Variants in KCND2 observed in about 807,000 individuals in gnomAD.
The protein encoded by KCND2 is A-type voltage-gated potassium channel KCND2.
Under a neutral mutation model 54.4 loss-of-function variants are expected in KCND2, and 16 were observed. That is an observed-to-expected ratio of 0.29 (90% CI 0.20 to 0.45). KCND2 has a LOEUF of 0.45. KCND2 is among the 20% of genes least tolerant of loss of function. The pLI, the probability that KCND2 is intolerant of heterozygous loss-of-function variation, is 1.00. For missense variants in KCND2, 486 were observed against 824.2 expected (o/e 0.59, Z 5.02); for synonymous variants, 317 against 310.7 (o/e 1.02, Z -0.21).
At chr7:120,596,890 C>A (rs1792752711) in intron 1 of KCND2, among the ~76,000 whole-genome samples, 1 of 152,156 alleles carries the variant, frequency 6.6e-6, no homozygotes, top group Non-Finnish European at 1.5e-5. Context: ...TCCTCGTTAA[C>A]ATATTTTTAC....
chr7:120,419,534 T>C (rs1755714260), intron 1 of KCND2, among the ~76,000 whole-genome samples: 1 of 152,182 alleles, frequency 6.6e-6, no homozygotes, highest in Admixed American at 6.5e-5. Flanking sequence ...GAGACCGCTC[T>C]TGGTGCTCCT....
chr7:120,420,675 C>G (rs934001443), intron 1 of KCND2, among the ~76,000 whole-genome samples: 1 of 152,032 alleles, frequency 6.6e-6, no homozygotes, highest in African/African-American at 2.4e-5. Flanking sequence ...GAGTAAAATC[C>G]GTCATTTGTC....
chr7:120,412,633 T>C (rs945251748), intron 1 of KCND2, among the ~76,000 whole-genome samples: 4 of 152,080 alleles, frequency 2.6e-5, no homozygotes, highest in African/African-American at 9.7e-5. Flanking sequence ...ACCCTGAGCT[T>C]CCCACCCTGT....
In KCND2 at chr7:120,421,602, T is replaced by C. The variant is rs184188856; in HGVS notation, c.1115+145855T>C. On this transcript the variant is annotated intron_variant, in intron 1 of 5. Coordinates refer to ENST00000331113, the MANE Select transcript of KCND2 (RefSeq NM_012281.3). Reference sequence around the variant, plus strand: ...CCTAAGCATCTGCATTTCCCAAAGATTCATAGGTGATTGTTAATTTTCAGC... The same window carrying C: ...CCTAAGCATCTGCATTTCCCAAAGACTCATAGGTGATTGTTAATTTTCAGC... Among the ~76,000 whole-genome samples the C allele has an allele frequency of 3.3e-5, 5 of 152,358 alleles. No homozygotes were observed. The East Asian group carries it at 9.6e-4, about 29-fold the overall frequency.
intron 1 of KCND2, among the ~76,000 whole-genome samples, chr7:120,451,891 G>A (rs1201047897): frequency 1.3e-5 from 2 of 152,222 alleles, no homozygotes; most frequent in Non-Finnish European, 2.9e-5. Flanking sequence ...CACAGTCTAA[G>A]CTAATAGGTA....
chr7:120,570,670 T>A (rs1792354462), intron 1 of KCND2, among the ~76,000 whole-genome samples: 1 of 152,202 alleles, frequency 6.6e-6, no homozygotes, highest in Non-Finnish European at 1.5e-5. Context: ...TTACCTTTCT[T>A]ATTAAAGATG....
At chr7:120,332,764 CT>C (rs1220837876) in intron 1 of KCND2, among the ~76,000 whole-genome samples, 1 of 151,988 alleles carries the variant, frequency 6.6e-6, no homozygotes, top group Non-Finnish European at 1.5e-5. Context: ...TTTTTCTCTT[CT>C]TTTTATAAAA....
chr7:120,429,281 G>A (rs1209759451), intron 1 of KCND2, among the ~76,000 whole-genome samples: 1 of 152,144 alleles, frequency 6.6e-6, no homozygotes, highest in Non-Finnish European at 1.5e-5. Flanking sequence ...CAGTTAAACA[G>A]TAATCAATTG....
chr7:120,464,945 A>G (rs1312454198), intron 1 of KCND2, among the ~76,000 whole-genome samples: 1 of 152,200 alleles, frequency 6.6e-6, no homozygotes, highest in Non-Finnish European at 1.5e-5. Flanking sequence ...ATCCATCTAG[A>G]TAATCTCCTT....
intron 1 of KCND2, among the ~76,000 whole-genome samples, chr7:120,449,403 C>T (rs1480173004): frequency 6.6e-6 from 1 of 152,056 alleles, no homozygotes; most frequent in Non-Finnish European, 1.5e-5. Flanking sequence ...CCACATTACC[C>T]TACTGGCCTT....
intron 1 of KCND2, among the ~76,000 whole-genome samples, chr7:120,426,837 G>A (rs540463698): frequency 7.2e-5 from 11 of 152,106 alleles, no homozygotes; most frequent in Non-Finnish European, 1.5e-4. Context: ...AGCCAGGATG[G>A]TCTCGATCTC....
chr7:120,673,317 AAC>A (rs1792017396), intron 1 of KCND2, among the ~76,000 whole-genome samples: 1 of 152,166 alleles, frequency 6.6e-6, no homozygotes, highest in Non-Finnish European at 1.5e-5. Context: ...CATTCTAGTT[AAC>A]ACAAACTGAA....
chr7:120,490,278 A>G (rs558722389), intron 1 of KCND2, among the ~76,000 whole-genome samples: 1 of 152,306 alleles, frequency 6.6e-6, no homozygotes, highest in African/African-American at 2.4e-5. Context: ...CCCATTGCTA[A>G]TCACTATACA....
intron 1 of KCND2, among the ~76,000 whole-genome samples, chr7:120,729,568 T>G (rs1221253969): frequency 6.6e-6 from 1 of 152,190 alleles, no homozygotes; most frequent in Non-Finnish European, 1.5e-5. Context: ...TCTTACCATC[T>G]CCTCTGCTTT....
intron 1 of KCND2, among the ~76,000 whole-genome samples, chr7:120,421,159 C>A (rs1184855591): frequency 6.6e-6 from 1 of 152,184 alleles, no homozygotes; most frequent in African/African-American, 2.4e-5. Flanking sequence ...CAAGTGCCTG[C>A]CACTTCTGTT....
chr7:120,282,983 G>C (rs546929233), intron 1 of KCND2, among the ~76,000 whole-genome samples: 1 of 152,124 alleles, frequency 6.6e-6, no homozygotes, highest in Non-Finnish European at 1.5e-5. Flanking sequence ...ATAATGCCAC[G>C]TAGAGATGAG....
chr7:120,628,429 AT>A (rs1793188228), intron 1 of KCND2, among the ~76,000 whole-genome samples: 4 of 152,190 alleles, frequency 2.6e-5, no homozygotes, highest in Non-Finnish European at 5.9e-5. Flanking sequence ...GAATATGTAC[AT>A]TGCCAGGCAC....
intron 1 of KCND2, among the ~76,000 whole-genome samples, chr7:120,408,222 T>A (rs1247863827): frequency 6.6e-6 from 1 of 151,926 alleles, no homozygotes; most frequent in Non-Finnish European, 1.5e-5. Flanking sequence ...TCATCACTAA[T>A]CAATTTTGGA....
intron 1 of KCND2, among the ~76,000 whole-genome samples, chr7:120,332,849 A>G (rs1440761807): frequency 1.3e-5 from 2 of 152,100 alleles, no homozygotes; most frequent in Non-Finnish European, 2.9e-5. Flanking sequence ...ATAAAGGTTT[A>G]TATTTAAATT....
Sources: allele counts gnomAD v4.1 joint callset (sites outside exome capture counted in the v4.1 genomes callset), GRCh38; gene constraint gnomAD v4.1.1; transcripts MANE v1.5; gene names NCBI Gene and HGNC (gene_info 2026-07-23, HGNC 2026-07-21).